PLEKHD1: variants seen among roughly 807,000 people sequenced by gnomAD.
PLEKHD1 encodes the protein pleckstrin homology domain-containing family D member 1.
Under a neutral mutation model 69.2 loss-of-function variants are expected in PLEKHD1, and 51 were observed. The observed-to-expected ratio is 0.74, with a 90% CI of 0.59 to 0.93. PLEKHD1 has a LOEUF of 0.93. Ranked by LOEUF, PLEKHD1 falls within the 40% of genes least tolerant of loss-of-function variation. PLEKHD1 has a pLI of 0.00. For missense variants in PLEKHD1, 584 were observed against 641.0 expected (o/e 0.91, Z 0.96); for synonymous variants, 236 against 244.7 (o/e 0.96, Z 0.33).
At chr14:69,515,677 G>A (rs929818599) in intron 6 of PLEKHD1, among the ~76,000 whole-genome samples, 5 of 152,188 alleles carry the variant, frequency 3.3e-5, no homozygotes, top group Non-Finnish European at 7.3e-5. Context: ...CACATGACCA[G>A]AGCAGGAGCA....
intron 6 of PLEKHD1, among the ~76,000 whole-genome samples, chr14:69,512,210 C>T (rs1340075196): frequency 6.6e-6 from 1 of 150,746 alleles, no homozygotes; most frequent in Non-Finnish European, 1.5e-5. Flanking sequence ...CTTTATTATC[C>T]TTTTAATGTC....
At chr14:69,515,660 G>C (rs1883369006) in intron 6 of PLEKHD1, among the ~76,000 whole-genome samples, 1 of 152,228 alleles carries the variant, frequency 6.6e-6, no homozygotes, top group African/African-American at 2.4e-5. Flanking sequence ...AGGTGGAGCA[G>C]ACATGTCACA....
chr14:69,488,418 C>T lies in PLEKHD1; in HGVS notation c.149+3304C>T, dbSNP rs140109696. On this transcript the variant is annotated intron_variant, in intron 1 of 12. Transcript: ENST00000322564. ...CTTCACGGCACTAGGCTCAGCCTCA[C>T]CCTGGTGACCCTGGGGTTTGGTCTC... Among the ~76,000 whole-genome samples, 197 of 152,284 alleles carry T rather than the reference C, an allele frequency of 1.3e-3. 2 individuals carry two copies. The highest frequency in any genetic ancestry group is 4.1e-3 in the African/African-American group (171 of 41,562).
At chr14:69,501,054 AG>A (rs1883013700) in intron 4 of PLEKHD1, 107 bp downstream of exon 4, 1 of 1,197,782 alleles carries the variant, frequency 8.3e-7, no homozygotes, top group Non-Finnish European at 1.2e-6. Context: ...GCACAGGGCC[AG>A]GGCTGTGGGA....
chr14:69,501,269 A>G, intron 4 of PLEKHD1: 1 of 419,284 alleles, frequency 2.4e-6, no homozygotes, highest in Non-Finnish European at 4.4e-6. Context: ...GACTAGAGCT[A>G]GTGCTTTGTA....
intron 6 of PLEKHD1, among the ~76,000 whole-genome samples, chr14:69,507,783 A>G (rs773527596): frequency 3.9e-5 from 6 of 152,080 alleles, no homozygotes; most frequent in Admixed American, 6.5e-5. Flanking sequence ...AGTGTGGCTC[A>G]CTGCAGCCTT....
At chr14:69,503,011 C>T in intron 6 of PLEKHD1, 132 bp downstream of exon 6, 3 of 1,004,966 alleles carry the variant, frequency 3.0e-6, no homozygotes, top group Non-Finnish European at 3.0e-6. Context: ...GCGGGGAGGC[C>T]AAATGGGATC....
At chr14:69,504,093 G>A (rs777385452) in intron 6 of PLEKHD1, among the ~76,000 whole-genome samples, 3 of 152,198 alleles carry the variant, frequency 2.0e-5, no homozygotes, top group Non-Finnish European at 4.4e-5. Context: ...GATGATAATA[G>A]AATCCATCTT....
intron 1 of PLEKHD1, among the ~76,000 whole-genome samples, chr14:69,486,784 G>A (rs1187803292): frequency 6.6e-6 from 1 of 152,122 alleles, no homozygotes; most frequent in Non-Finnish European, 1.5e-5. Flanking sequence ...CAGGTACATT[G>A]GGAAACTGGT....
At chr14:69,480,058 G>A (rs1882515634), upstream of PLEKHD1, among the ~76,000 whole-genome samples, 1 of 152,230 alleles carries the variant, frequency 6.6e-6, no homozygotes, top group Admixed American at 6.5e-5. Context: ...GTTTGAAAGG[G>A]AAGAAAACAC....
At chr14:69,470,893 G>A in the PLEKHD1 span, among the ~76,000 whole-genome samples, 3 of 151,552 alleles carry the variant, frequency 2.0e-5, no homozygotes, top group African/African-American at 4.9e-5. Flanking sequence ...CCAGGTTCAC[G>A]CCATTCTCCT....
intron 1 of PLEKHD1, 104 bp downstream of exon 1, chr14:69,485,218 T>A (rs1448737976): frequency 1.5e-6 from 2 of 1,308,530 alleles, no homozygotes; most frequent in Admixed American, 4.6e-5. Context: ...CTTTCCTGTG[T>A]GACCTTGGCG....
chr14:69,499,265 A>ACT (rs1491104244), intron 1 of PLEKHD1, among the ~76,000 whole-genome samples: 4 of 127,002 alleles, frequency 3.1e-5, no homozygotes, highest in African/African-American at 1.2e-4. Flanking sequence ...ACACACACAC[A>ACT]CTCACACCAG....
chr14:69,502,795 G>A (rs1227673595), intron 5 of PLEKHD1, 32 bp from the exon 6 acceptor site: 1 of 1,551,220 alleles, frequency 6.4e-7, no homozygotes, highest in East Asian at 2.4e-5. Context: ...CTGATTGTGT[G>A]TGCATGTGTG....
At position 69,502,871 on chromosome 14, in the gene PLEKHD1, C is replaced by G. The variant is rs1214706140; in HGVS notation, c.547C>G (p.Gln183Glu). The change falls in exon 6 of 13, where the codon CAG becomes GAG. Residue 183 changes from glutamine to glutamate, a missense_variant. Transcript: ENST00000322564. Reference protein sequence around the residue: ...ETEELCLQREQREELERLNQV... With the variant: ...ETEELCLQREEREELERLNQV... The stretch of plus-strand genomic sequence containing the variant: ...CGAAGAACTCTGCCTTCAGAGGGAG[C>G]AGAGAGAGGTAGGTGCACACCAAGG... The G allele has an allele frequency of 6.4e-7, 1 of 1,551,456 alleles. No individual in the cohort carries two copies. The highest frequency in any genetic ancestry group is 8.7e-7 in the Non-Finnish European group (1 of 1,146,954).
At chr14:69,479,658 T>C in the PLEKHD1 span, among the ~76,000 whole-genome samples, 3 of 151,696 alleles carry the variant, frequency 2.0e-5, no homozygotes, top group Non-Finnish European at 2.9e-5. Context: ...ATAATAATAA[T>C]AACAAAAAAA....
intron 6 of PLEKHD1, among the ~76,000 whole-genome samples, chr14:69,507,897 G>A (rs939297310): frequency 6.6e-6 from 1 of 151,994 alleles, no homozygotes; most frequent in East Asian, 1.9e-4. Flanking sequence ...TATTTTTATA[G>A]AGATGGGGTC....
rs528637757 is a variant in PLEKHD1, at chr14:69,507,498, CA to C, written c.555+4620del. On this transcript the variant is annotated intron_variant, in intron 6 of 12. Transcript: ENST00000322564. ...ATGTGCAGGTTTTTGTGTGGACATA[CA>C]TTTTCAGTTTATTTGGAAAAGTAAT... Among the ~76,000 whole-genome samples the C allele has an allele frequency of 1.6e-4, 24 of 152,282 alleles. No homozygotes were observed. The East Asian group carries it at 4.6e-3, about 29-fold the overall frequency.
chr14:69,511,052 T>C, intron 6 of PLEKHD1, among the ~76,000 whole-genome samples: 1 of 152,252 alleles, frequency 6.6e-6, no homozygotes. Context: ...TATTAATTGA[T>C]TTTCAAATAT....
Sources: gnomAD v4.1 joint callset for allele counts (sites outside exome capture counted in the v4.1 genomes callset) on GRCh38, gnomAD v4.1.1 for gene constraint, MANE v1.5 for transcripts, NCBI Gene and HGNC (gene_info 2026-07-23, HGNC 2026-07-21) for gene names.